The following SPAG9 variants were observed in gnomAD, a reference collection of about 807,000 sequenced individuals.
The protein encoded by SPAG9 is C-Jun-amino-terminal kinase-interacting protein 4.
In SPAG9, 35 loss-of-function variants were observed where a neutral mutation model predicts 166.5. The observed-to-expected ratio is 0.21, with a 90% CI of 0.16 to 0.28. The LOEUF (loss-of-function observed/expected upper bound fraction) is 0.28. Ranked by LOEUF, SPAG9 falls within the 10% of genes least tolerant of loss-of-function variation. The pLI, the probability that SPAG9 is intolerant of heterozygous loss-of-function variation, is 1.00. For synonymous variants in SPAG9, 534 were observed against 565.5 expected (o/e 0.94, Z 0.79); for missense variants, 1,235 against 1,603.3 (o/e 0.77, Z 3.92).
At chr17:51,080,860 C>A (rs2048142122) in intron 1 of SPAG9, among the ~76,000 whole-genome samples, 1 of 128,222 alleles carries the variant, frequency 7.8e-6, no homozygotes, top group Admixed American at 8.7e-5. Context: ...GCACTCCAGC[C>A]TGGGCTACAG....
chr17:51,077,073 T>TCTAGCTATCTAGCTATCTAG (rs1568065685), intron 2 of SPAG9, among the ~76,000 whole-genome samples: 1 of 115,976 alleles, frequency 8.6e-6, no homozygotes, highest in Non-Finnish European at 1.9e-5. Context: ...TAGCTAGCTA[T>TCTAGCTATCTAGCTATCTAG]CTAGCTATCT....
intron 1 of SPAG9, among the ~76,000 whole-genome samples, chr17:51,100,982 T>A (rs558274659): frequency 6.6e-6 from 1 of 151,864 alleles, no homozygotes; most frequent in East Asian, 1.9e-4. Context: ...GCCAAATGTG[T>A]CCAAATTACA....
intron 1 of SPAG9, among the ~76,000 whole-genome samples, chr17:51,083,484 A>G (rs559034187): frequency 2.5e-4 from 38 of 151,072 alleles, no homozygotes; most frequent in Non-Finnish European, 4.6e-4. Context: ...TGATCCACCC[A>G]CCTCGGCCTC....
At chr17:51,099,315 C>T (rs1187195099) in intron 1 of SPAG9, among the ~76,000 whole-genome samples, 6 of 151,266 alleles carry the variant, frequency 4.0e-5, no homozygotes, top group African/African-American at 1.5e-4. Context: ...TTCCTATAAT[C>T]CCAGCTACTT....
In SPAG9 at chr17:51,024,639, G is replaced by A. The variant is rs371522702; in HGVS notation, c.784-3274C>T. ...GAGGCAGGAGAATCACTTGAACCCA[G>A]GAGGCAAAGGTTGCAGTAAGCTGAG... On this transcript the variant is annotated intron_variant, in intron 6 of 29. Coordinates refer to ENST00000262013, the MANE Select transcript of SPAG9 (RefSeq NM_001130528.3). Among the ~76,000 whole-genome samples the A allele has an allele frequency of 2.7e-4, 41 of 151,720 alleles. No individual in the cohort carries two copies. The South Asian group carries it at 7.9e-3, about 29-fold the overall frequency.
At chr17:51,094,119 T>G (rs1276722188) in intron 1 of SPAG9, among the ~76,000 whole-genome samples, 1 of 152,176 alleles carries the variant, frequency 6.6e-6, no homozygotes, top group Non-Finnish European at 1.5e-5. Flanking sequence ...TCAAAGAGAC[T>G]ATCCTTCTCT....
At chr17:51,069,546 T>C (rs2047763797) in intron 2 of SPAG9, among the ~76,000 whole-genome samples, 1 of 152,112 alleles carries the variant, frequency 6.6e-6, no homozygotes. Context: ...TCAATCACCT[T>C]GTGTTGAAGG....
At chr17:51,092,540 G>A (rs2048495223) in intron 1 of SPAG9, among the ~76,000 whole-genome samples, 1 of 152,010 alleles carries the variant, frequency 6.6e-6, no homozygotes, top group African/African-American at 2.4e-5. Context: ...TGTTAATGGT[G>A]TTGTGGTTAT....
At position 51,079,669 on chromosome 17, in the gene SPAG9, T is replaced by C. The variant is rs1198593206; in HGVS notation, c.339A>G (p.Glu113=). The change falls in exon 2 of 30, where the codon GAA becomes GAG. Residue 113 remains glutamate, a synonymous_variant. Coordinates refer to ENST00000262013, the MANE Select transcript of SPAG9 (RefSeq NM_001130528.3). The part of the protein sequence containing the change: ...FIEFEDSQEQ[E]KKDLQTRVES... ...CCACTCGGGTCTGTAAGTCCTTTTTTTCCTGTTCTTGAGAGTCTTCAAATT... is the reference window on the plus strand; with the variant it reads ...CCACTCGGGTCTGTAAGTCCTTTTTCTCCTGTTCTTGAGAGTCTTCAAATT... 2.5e-6 allele frequency: 4 copies of C among 1,596,258 alleles called. No homozygotes were observed. Among genetic ancestry groups the C allele is most frequent in the Non-Finnish European group, 3.4e-6 (4 of 1,163,954 alleles).
At chr17:51,027,630 A>ATGT (rs1483211844) in intron 6 of SPAG9, among the ~76,000 whole-genome samples, 5 of 152,150 alleles carry the variant, frequency 3.3e-5, no homozygotes, top group South Asian at 2.1e-4. Context: ...TTGCCCAGTG[A>ATGT]TGTTGCAACT....
chr17:51,050,487 C>T (rs558918089), intron 3 of SPAG9, among the ~76,000 whole-genome samples: 1 of 152,310 alleles, frequency 6.6e-6, no homozygotes, highest in African/African-American at 2.4e-5. Context: ...CTGACTCAGT[C>T]ATCTGAGTTA....
chr17:50,970,980 G>C (rs958228826), intron 28 of SPAG9, 124 bp from the exon 29 acceptor site: 1 of 763,478 alleles, frequency 1.3e-6, no homozygotes, highest in Non-Finnish European at 2.1e-6. Flanking sequence ...CCAAATACTG[G>C]GGAAGCTAGA....
intron 1 of SPAG9, among the ~76,000 whole-genome samples, chr17:51,106,196 A>C (rs2144757408): frequency 6.6e-6 from 1 of 151,444 alleles, no homozygotes; most frequent in African/African-American, 2.4e-5. Flanking sequence ...CTAGCTACTC[A>C]GGAGGTTGAG....
chr17:51,001,389 T>C (rs1229621871), intron 13 of SPAG9, among the ~76,000 whole-genome samples: 1 of 152,210 alleles, frequency 6.6e-6, no homozygotes, highest in African/African-American at 2.4e-5. Context: ...TATTTTCCTG[T>C]GTTGCATATG....
At chr17:51,043,539 G>C (rs1276307385) in intron 4 of SPAG9, among the ~76,000 whole-genome samples, 2 of 152,056 alleles carry the variant, frequency 1.3e-5, no homozygotes, top group Non-Finnish European at 2.9e-5. Flanking sequence ...GTGATAAGTA[G>C]CTAGATTTCC....
At chr17:51,107,114 A>G (rs1040693817) in intron 1 of SPAG9, among the ~76,000 whole-genome samples, 6 of 152,010 alleles carry the variant, frequency 3.9e-5, no homozygotes, top group Admixed American at 1.3e-4. Flanking sequence ...AAAAAAAAAA[A>G]AAGAAAAAGA....
chr17:51,106,102 TACACACACACACACAC>T (rs71149344), intron 1 of SPAG9, among the ~76,000 whole-genome samples: 39 of 110,654 alleles, frequency 3.5e-4, no homozygotes, highest in African/African-American at 8.8e-4. Context: ...CCCCCATCTC[TACACACACACACACAC>T]ACACACACAC....
At chr17:51,041,434 C>A in intron 5 of SPAG9, 67 bp downstream of exon 5, 1 of 1,436,506 alleles carries the variant, frequency 7.0e-7, no homozygotes, top group Non-Finnish European at 9.5e-7. Flanking sequence ...GGTCGTCTAG[C>A]ACTTCAATTA....
At chr17:50,970,647 G>T in intron 29 of SPAG9, 60 bp downstream of exon 29, 936 of 1,312,144 alleles carry the variant, frequency 7.1e-4, no homozygotes, top group East Asian at 9.5e-4. Context: ...TATTTACTTT[G>T]GGACAAAACC....
Sources: allele counts gnomAD v4.1 joint callset (sites outside exome capture counted in the v4.1 genomes callset), GRCh38; gene constraint gnomAD v4.1.1; transcripts MANE v1.5; gene names NCBI Gene and HGNC (gene_info 2026-07-23, HGNC 2026-07-21).